Variants in POLA2 observed in about 807,000 individuals in gnomAD.
POLA2 encodes DNA polymerase alpha subunit B.
POLA2 carries 47 observed loss-of-function variants against 82.8 expected under a neutral mutation model. The ratio of observed to expected loss-of-function variants is 0.57; its 90% confidence interval spans 0.45 to 0.72. The LOEUF (loss-of-function observed/expected upper bound fraction) is 0.72, where lower values mean the gene tolerates loss of function less well. Among genes scored for constraint, POLA2 ranks in the 30% least tolerant of loss-of-function variants. The pLI, the probability that POLA2 is intolerant of heterozygous loss-of-function variation, is 0.00. For missense variants in POLA2, 634 were observed against 728.1 expected, an observed-to-expected ratio of 0.87 and a Z score of 1.49; for synonymous variants, 287 against 286.8, an observed-to-expected ratio of 1.00 and a Z score of -0.01.
In POLA2 at chr11:65,288,512, GTTT is replaced by G. The variant is rs572913995; in HGVS notation, c.1132-523_1132-521del. Reference sequence around the variant, plus strand: ...CATTTTTATTGTTCGTTTGTTTTTTGTTTTTTTTTTTTTTTTTGGGACAGAGTT... The same window carrying G: ...CATTTTTATTGTTCGTTTGTTTTTTGTTTTTTTTTTTTTTGGGACAGAGTT... On this transcript the variant is annotated intron_variant, in intron 11 of 17. Coordinates refer to ENST00000265465, the MANE Select transcript of POLA2 (RefSeq NM_002689.4). Among the ~76,000 whole-genome samples, 819 of 119,946 alleles carry G rather than the reference GTTT, an allele frequency of 6.8e-3. 3 individuals are homozygous for G. Among genetic ancestry groups the G allele is most frequent in the Middle Eastern group, 9.4e-3 (2 of 212 alleles). The allele number at this position is 119,946 out of a possible 152,430, so 78.7% of individuals were successfully genotyped here. A position where few individuals can be genotyped will look rare whatever the true frequency, so the allele number is the denominator to read the frequency against.
intron 2 of POLA2, 57 bp from the exon 3 acceptor site, chr11:65,267,420 A>G: frequency 2.0e-6 from 2 of 1,009,288 alleles, no homozygotes; most frequent in Non-Finnish European, 3.0e-6. Context: ...GCTTTTGAAA[A>G]CACCTCTGCT....
Position 65,267,461 on chromosome 11 carries a change from A to C in POLA2, c.205-16A>C. The C allele has an allele frequency of 6.4e-7, 1 of 1,559,076 alleles. No individual in the cohort carries two copies. The highest frequency in any genetic ancestry group is 8.8e-7 in the Non-Finnish European group (1 of 1,134,488). ...TTGACTATGAAGTACTGTATTCACT[A>C]TCTTTTCTTTTTCAGTTTCTGAGCA... On this transcript the variant is annotated splice_polypyrimidine_tract_variant and intron_variant, in intron 2 of 17. Transcript: ENST00000265465.
At chr11:65,281,400 A>C (rs1949639854) in intron 8 of POLA2, among the ~76,000 whole-genome samples, 1 of 152,192 alleles carries the variant, frequency 6.6e-6, no homozygotes, top group Non-Finnish European at 1.5e-5. Context: ...TGCACAAGGT[A>C]CTTAACCATC....
At chr11:65,298,863 T>G (rs1211205931), downstream of POLA2, among the ~76,000 whole-genome samples, 1 of 152,174 alleles carries the variant, frequency 6.6e-6, no homozygotes. Context: ...TGTGGAATTT[T>G]GGGAGCCCAG....
At chr11:65,276,884 C>A (rs1309235554) in intron 5 of POLA2, among the ~76,000 whole-genome samples, 1 of 151,478 alleles carries the variant, frequency 6.6e-6, no homozygotes, top group Non-Finnish European at 1.5e-5. Flanking sequence ...CTCTGCCTCC[C>A]GGTTCAAGCG....
chr11:65,300,877 C>T (rs1011994993), downstream of POLA2, among the ~76,000 whole-genome samples: 3 of 152,368 alleles, frequency 2.0e-5, no homozygotes, highest in South Asian at 4.1e-4. Flanking sequence ...CCACTGCACC[C>T]GGCCTGTCAG....
intron 2 of POLA2, 71 bp from the exon 3 acceptor site, chr11:65,267,406 C>T (rs1949472753): frequency 1.2e-6 from 1 of 858,268 alleles, no homozygotes; most frequent in Non-Finnish European, 1.9e-6. Flanking sequence ...TTTATTATCT[C>T]AAGGCTTTTG....
chr11:65,282,641 AGTGAGGG>A, intron 10 of POLA2, 120 bp downstream of exon 10: 1 of 824,968 alleles, frequency 1.2e-6, no homozygotes. Context: ...GTGACCAAGC[AGTGAGGG>A]CGCCACCATC....
Position 65,281,721 on chromosome 11 carries a change from A to C in POLA2, c.952A>C (p.Lys318Gln), listed in dbSNP as rs1363967565. The change falls in exon 9 of 18, where the codon AAA becomes CAA. Residue 318 changes from lysine (K) to glutamine (Q), a missense_variant. Lys to Gln is a moderately conservative substitution (Grantham distance 53). Transcript: ENST00000265465. The stretch of plus-strand genomic sequence containing the variant: ...CACTGGTAGGAAACTTGTTGCCACC[A>C]AACTCTACGAGGTACACAGCAGTAC... ...NTTGRKLVAT[K>Q]LYEGVPLPFY... The C allele has an allele frequency of 6.2e-7, 1 of 1,613,716 alleles. No homozygotes were observed. Among genetic ancestry groups the C allele is most frequent in the African/African-American group, 1.3e-5 (1 of 75,028 alleles).
rs56163475 is a variant in POLA2 at position 65,289,070 on chromosome 11, T to C, written c.1152T>C (p.Ala384=). 2.0e-5 allele frequency: 32 copies of C among 1,613,352 alleles called. No homozygotes were observed. Among genetic ancestry groups the C allele is most frequent in the African/African-American group, 2.7e-5 (2 of 74,926 alleles). The change falls in exon 12 of 18, where the codon GCT becomes GCC. Residue 384 remains alanine (A), a synonymous_variant. Coordinates refer to ENST00000265465, the MANE Select transcript of POLA2 (RefSeq NM_002689.4). ...TGCAGTTTGGCCCTTTCCTGGATGC[T>C]AAGCATGAACAGGTGGAGGTGAGTG... ...VCILFGPFLD[A]KHEQVENCLL...
At chr11:65,295,218 C>T (rs1949797127) in intron 15 of POLA2, among the ~76,000 whole-genome samples, 1 of 152,250 alleles carries the variant, frequency 6.6e-6, no homozygotes, top group Non-Finnish European at 1.5e-5. Context: ...TCAGGTCAGC[C>T]TGGCTACACA....
At chr11:65,280,622 G>A (rs1949629897) in intron 7 of POLA2, 1 of 225,512 alleles carries the variant, frequency 4.4e-6, no homozygotes, top group East Asian at 1.2e-4. Flanking sequence ...TATTTAGTAA[G>A]CTCAAGAAAT....
chr11:65,304,044 T>C (rs535300275), intron 8 of POLA2, among the ~76,000 whole-genome samples: 6 of 152,028 alleles, frequency 3.9e-5, no homozygotes, highest in African/African-American at 1.4e-4. Context: ...AGGGCAGAGG[T>C]GCCTGGAGTT....
At chr11:65,294,301 C>A in intron 14 of POLA2, 40 bp downstream of exon 14, 1 of 1,492,044 alleles carries the variant, frequency 6.7e-7, no homozygotes, top group South Asian at 1.1e-5. Flanking sequence ...CAGCCAGAAT[C>A]CAGCATGCCT....
intron 16 of POLA2, 111 bp downstream of exon 16, chr11:65,295,710 C>T: frequency 7.6e-7 from 1 of 1,317,826 alleles, no homozygotes; most frequent in Admixed American, 1.7e-5. Flanking sequence ...GGAACTTTAC[C>T]CTGTGATGAC....
downstream of POLA2, among the ~76,000 whole-genome samples, chr11:65,300,135 C>CT (rs959524188): frequency 1.3e-5 from 2 of 152,310 alleles, no homozygotes. Flanking sequence ...AATCATTAAT[C>CT]TAATTTCTTT....
rs775483476 is a variant in POLA2 at position 65,294,199 on chromosome 11, C to T, written c.1291C>T (p.His431Tyr). ...TGTCCCGTCATTGAGAGATGTGCAC[C>T]ATGAGCCTGTGTACCCCCAGCCGCC... ...VFVPSLRDVH[H>Y]EPVYPQPPFS... Residue 431 changes from histidine (H) to tyrosine (Y), a missense_variant, in exon 14 of 18, where the codon CAT (histidine) becomes TAT (tyrosine). His to Tyr is a moderately conservative substitution (Grantham distance 83). Coordinates refer to ENST00000265465, the MANE Select transcript of POLA2 (RefSeq NM_002689.4). The T allele has an allele frequency of 5.0e-6, 8 of 1,614,012 alleles. No homozygotes were observed. The highest frequency in any genetic ancestry group is 5.9e-6 in the Non-Finnish European group (7 of 1,180,034).
chr11:65,278,617 T>A, intron 5 of POLA2, 113 bp from the exon 6 acceptor site: 1 of 860,286 alleles, frequency 1.2e-6, no homozygotes, highest in Non-Finnish European at 1.9e-6. Flanking sequence ...ATTTATAAAC[T>A]ATGAGGCCAC....
At chr11:65,270,827 T>C (rs1355078625) in intron 4 of POLA2, among the ~76,000 whole-genome samples, 2 of 152,212 alleles carry the variant, frequency 1.3e-5, no homozygotes, top group African/African-American at 4.8e-5. Flanking sequence ...GCCAGAGTGC[T>C]CCTTTCCAGC....
Sources: allele counts gnomAD v4.1 joint callset (sites outside exome capture counted in the v4.1 genomes callset), GRCh38; gene constraint gnomAD v4.1.1; transcripts MANE v1.5; gene names NCBI Gene and HGNC (gene_info 2026-07-23, HGNC 2026-07-21).